The following FAM168A variants were observed in gnomAD, a reference collection of about 807,000 sequenced individuals.
FAM168A encodes family with sequence similarity 168 member A.
FAM168A carries 3 observed loss-of-function variants against 28.5 expected under a neutral mutation model. The observed-to-expected ratio is 0.11, with a 90% CI of 0.05 to 0.27. FAM168A has a LOEUF of 0.27. FAM168A is among the 10% of genes least tolerant of loss of function. FAM168A has a pLI of 1.00. For synonymous variants in FAM168A, 122 were observed against 124.2 expected (o/e 0.98, Z 0.12); for missense variants, 222 against 311.5 (o/e 0.71, Z 2.16).
chr11:73,484,711 GATAT>G (rs200499459), intron 1 of FAM168A, among the ~76,000 whole-genome samples: 1 of 129,072 alleles, frequency 7.7e-6, no homozygotes, highest in Non-Finnish European at 1.5e-5. Flanking sequence ...GATATATATA[GATAT>G]ATATATAGAT....
At chr11:73,517,707 A>G (rs1394605675) in intron 1 of FAM168A, among the ~76,000 whole-genome samples, 3 of 152,222 alleles carry the variant, frequency 2.0e-5, no homozygotes, top group Non-Finnish European at 4.4e-5. Context: ...TTTATACTAT[A>G]CGACCTTGGC....
chr11:73,509,765 G>A (rs1257703321), intron 1 of FAM168A, among the ~76,000 whole-genome samples: 1 of 152,052 alleles, frequency 6.6e-6, no homozygotes, highest in Non-Finnish European at 1.5e-5. Flanking sequence ...CAGGTGCTTG[G>A]CTTTCTAAAC....
At chr11:73,517,950 G>A (rs1052137828) in intron 1 of FAM168A, among the ~76,000 whole-genome samples, 1 of 152,194 alleles carries the variant, frequency 6.6e-6, no homozygotes, top group African/African-American at 2.4e-5. Context: ...TCCACTTACT[G>A]CCTTGCAGGC....
At chr11:73,573,792 CA>C (rs1383184389) in intron 1 of FAM168A, among the ~76,000 whole-genome samples, 1 of 151,972 alleles carries the variant, frequency 6.6e-6, no homozygotes, top group Non-Finnish European at 1.5e-5. Flanking sequence ...CCTGTCTCTA[CA>C]AAAAATTCAA....
intron 1 of FAM168A, among the ~76,000 whole-genome samples, chr11:73,531,722 GTT>G (rs1340792910): frequency 6.6e-6 from 1 of 150,824 alleles, no homozygotes; most frequent in African/African-American, 2.4e-5. Flanking sequence ...TGCATATACT[GTT>G]TTCTCTGCCC....
chr11:73,480,394 CTCT>C lies in FAM168A; in HGVS notation c.-18-11905_-18-11903del, dbSNP rs1025032906. On this transcript the variant is annotated intron_variant, in intron 1 of 7. Coordinates refer to ENST00000356467, the MANE Select transcript of FAM168A (RefSeq NM_015159.3). Reference sequence around the variant, plus strand: ...CAAATAATAGAAAATTTCTCTCTCTCTCTTTTTTTTTTTAAGAACAAATTTCAG... The same window carrying C: ...CAAATAATAGAAAATTTCTCTCTCTCTTTTTTTTTTAAGAACAAATTTCAG... 6.9e-5 allele frequency among the ~76,000 whole-genome samples: 9 copies of C among 130,540 alleles called. No homozygotes were observed. The East Asian group carries it at 1.8e-3, about 27-fold the overall frequency. The allele number at this position is 130,540 out of a possible 152,430, so 85.6% of individuals were successfully genotyped here.
At chr11:73,506,476 T>A (rs899691169) in intron 1 of FAM168A, among the ~76,000 whole-genome samples, 2 of 152,152 alleles carry the variant, frequency 1.3e-5, no homozygotes, top group East Asian at 1.9e-4. Context: ...TTTCTCTGTA[T>A]GTTTTGCCTG....
At position 73,526,368 on chromosome 11, in the gene FAM168A, G is replaced by C. The variant is rs187349025; in HGVS notation, c.-18-57876C>G. 4.6e-5 allele frequency among the ~76,000 whole-genome samples: 7 copies of C among 152,308 alleles called. No individual in the cohort carries two copies. The East Asian group carries it at 1.2e-3, about 25-fold the overall frequency. On this transcript the variant is annotated intron_variant, in intron 1 of 7. Transcript: ENST00000356467. The stretch of plus-strand genomic sequence containing the variant: ...AATGTTGGCAGGGTGTGCAAGGTGT[G>C]ACGATGTTCCTAGTGAAAATCAGAA...
At chr11:73,500,803 G>C (rs573645205) in intron 1 of FAM168A, among the ~76,000 whole-genome samples, 1 of 152,150 alleles carries the variant, frequency 6.6e-6, no homozygotes, top group East Asian at 1.9e-4. Context: ...TAACCAAACA[G>C]CATCATGATG....
chr11:73,402,377 T>C lies in FAM168A; in HGVS notation c.*4386A>G, dbSNP rs1471010286. ...GCTGGGAACCTGGATGAGTCCTATCTGTATGAGGAGCCAAAACTTGGTGAC... is the reference window on the plus strand; with the variant it reads ...GCTGGGAACCTGGATGAGTCCTATCCGTATGAGGAGCCAAAACTTGGTGAC... On this transcript the variant is annotated 3_prime_UTR_variant, in exon 8 of 8. Transcript: ENST00000356467. 6.6e-6 allele frequency: 1 copy of C among 151,624 alleles called. No individual in the cohort carries two copies. The highest frequency in any genetic ancestry group is 1.5e-5 in the Non-Finnish European group (1 of 68,042). 9.4% of individuals were successfully genotyped at this position (151,624 alleles called of 1,614,324 possible). A position where few individuals can be genotyped will look rare whatever the true frequency, so the allele number is the denominator to read the frequency against.
chr11:73,589,864 T>C (rs941337726), intron 1 of FAM168A, among the ~76,000 whole-genome samples: 1 of 150,406 alleles, frequency 6.6e-6, no homozygotes, highest in Non-Finnish European at 1.5e-5. Context: ...GAGGCGGAGG[T>C]TGCAGTGAGC....
At chr11:73,587,540 T>C (rs1944330604) in intron 1 of FAM168A, among the ~76,000 whole-genome samples, 1 of 151,956 alleles carries the variant, frequency 6.6e-6, no homozygotes, top group African/African-American at 2.4e-5. Flanking sequence ...ACTATTAATT[T>C]TACCCAGGCA....
intron 1 of FAM168A, among the ~76,000 whole-genome samples, chr11:73,574,122 CA>C (rs969711223): frequency 9.6e-5 from 14 of 146,028 alleles, no homozygotes; most frequent in African/African-American, 3.0e-4. Flanking sequence ...GACCCTGTCT[CA>C]AAAAAAAAAG....
At chr11:73,416,742 C>T (rs780777105) in intron 4 of FAM168A, among the ~76,000 whole-genome samples, 4 of 152,018 alleles carry the variant, frequency 2.6e-5, no homozygotes, top group Non-Finnish European at 2.9e-5. Flanking sequence ...CCCAGGAGTT[C>T]GAGACCAGCC....
At chr11:73,500,082 A>G (rs1005005457) in intron 1 of FAM168A, among the ~76,000 whole-genome samples, 1 of 152,100 alleles carries the variant, frequency 6.6e-6, no homozygotes, top group African/African-American at 2.4e-5. Flanking sequence ...CAGATTCTCC[A>G]AGGTCACAAT....
intron 1 of FAM168A, among the ~76,000 whole-genome samples, chr11:73,590,546 G>T (rs1336757969): frequency 6.6e-6 from 1 of 152,086 alleles, no homozygotes; most frequent in African/African-American, 2.4e-5. Flanking sequence ...TCATAAACAG[G>T]CAAAAATAAT....
intron 2 of FAM168A, among the ~76,000 whole-genome samples, chr11:73,432,076 G>T (rs553152933): frequency 6.6e-6 from 1 of 152,122 alleles, no homozygotes; most frequent in Non-Finnish European, 1.5e-5. Flanking sequence ...TGTGTTTAAG[G>T]TTCATCCATG....
chr11:73,532,686 G>A (rs1050206154), intron 1 of FAM168A, among the ~76,000 whole-genome samples: 4 of 152,210 alleles, frequency 2.6e-5, no homozygotes, highest in Non-Finnish European at 4.4e-5. Flanking sequence ...CAGAGAAGAG[G>A]ACTTGGTTGT....
intron 2 of FAM168A, among the ~76,000 whole-genome samples, chr11:73,432,301 T>C (rs1297962890): frequency 6.6e-6 from 1 of 152,204 alleles, no homozygotes; most frequent in Non-Finnish European, 1.5e-5. Context: ...AGTAGTAGAA[T>C]TGTTGGGTCA....
Sources: allele counts gnomAD v4.1 joint callset (sites outside exome capture counted in the v4.1 genomes callset), GRCh38; gene constraint gnomAD v4.1.1; transcripts MANE v1.5; gene names NCBI Gene and HGNC (gene_info 2026-07-23, HGNC 2026-07-21).